LTBP2: variants seen among roughly 807,000 people sequenced by gnomAD.
LTBP2 encodes latent transforming growth factor beta binding protein 2.
In LTBP2, 103 loss-of-function variants were observed where a neutral mutation model predicts 210.6. The observed-to-expected ratio is 0.49, with a 90% CI of 0.42 to 0.58. The LOEUF is 0.58. Among genes scored for constraint, LTBP2 ranks in the 20% least tolerant of loss-of-function variants. The probability of loss-of-function intolerance (pLI) is 0.00; values close to 1 mark genes in which losing one functional copy is unlikely to be tolerated. For synonymous variants in LTBP2, 1,007 were observed against 1,015.0 expected (o/e 0.99, Z 0.15); for missense variants, 2,313 against 2,494.5 (o/e 0.93, Z 1.55).
chr14:74,566,979 T>G (rs1349072747), intron 3 of LTBP2, among the ~76,000 whole-genome samples: 1 of 152,226 alleles, frequency 6.6e-6, no homozygotes, highest in Non-Finnish European at 1.5e-5. Context: ...GGGATGACCC[T>G]GCCAGGCTGT....
At chr14:74,519,030 C>T (rs763941504) in intron 17 of LTBP2, among the ~76,000 whole-genome samples, 2 of 152,156 alleles carry the variant, frequency 1.3e-5, no homozygotes, top group African/African-American at 4.8e-5. Flanking sequence ...TAGAGAAAGA[C>T]CAGGTTCTTA....
intron 18 of LTBP2, among the ~76,000 whole-genome samples, chr14:74,513,589 G>T (rs2087098663): frequency 6.6e-6 from 1 of 152,188 alleles, no homozygotes; most frequent in Non-Finnish European, 1.5e-5. Flanking sequence ...GATCATCTGA[G>T]GTCAGGAGTT....
intron 14 of LTBP2, among the ~76,000 whole-genome samples, 196 bp downstream of exon 14, chr14:74,525,879 G>A (rs957706260): frequency 6.6e-6 from 1 of 152,144 alleles, no homozygotes; most frequent in African/African-American, 2.4e-5. Flanking sequence ...AGCGTCATGG[G>A]GTCTCTCGCT....
chr14:74,579,043 G>C (rs551628181), intron 3 of LTBP2, among the ~76,000 whole-genome samples: 47 of 152,324 alleles, frequency 3.1e-4, no homozygotes, highest in Non-Finnish European at 2.8e-4. Flanking sequence ...TTTTAGTAGA[G>C]ACGGGGTTTC....
At chr14:74,593,825 G>A (rs2088316658) in intron 2 of LTBP2, among the ~76,000 whole-genome samples, 1 of 152,050 alleles carries the variant, frequency 6.6e-6, no homozygotes, top group South Asian at 2.1e-4. Flanking sequence ...GATGGCCTCT[G>A]AGCTTCTTGG....
intron 8 of LTBP2, among the ~76,000 whole-genome samples, chr14:74,536,486 A>T (rs1055438621): frequency 3.9e-5 from 6 of 152,270 alleles, no homozygotes; most frequent in African/African-American, 1.4e-4. Context: ...CACAAAAAAT[A>T]AATATATGAG....
chr14:74,522,765 A>G (rs1416073215), intron 16 of LTBP2, 25 bp downstream of exon 16: 1 of 1,604,118 alleles, frequency 6.2e-7, no homozygotes, highest in Non-Finnish European at 8.5e-7. Flanking sequence ...GCCGCCAAGT[A>G]AGCCCAGGGC....
chr14:74,576,073 C>G (rs951697231), intron 3 of LTBP2, among the ~76,000 whole-genome samples: 1 of 152,220 alleles, frequency 6.6e-6, no homozygotes, highest in African/African-American at 2.4e-5. Context: ...AGCCCACTCT[C>G]CCTGCCCTCA....
chr14:74,600,484 G>C (rs1175144788), intron 2 of LTBP2, among the ~76,000 whole-genome samples: 1 of 152,144 alleles, frequency 6.6e-6, no homozygotes, highest in East Asian at 1.9e-4. Flanking sequence ...TACTGTAACA[G>C]TATGCAAACT....
chr14:74,536,087 G>C, intron 8 of LTBP2, 87 bp from the exon 9 acceptor site: 1 of 1,154,308 alleles, frequency 8.7e-7, no homozygotes, highest in South Asian at 1.3e-5. Flanking sequence ...CAGTCTGGAT[G>C]TCCAGCCCAC....
rs756729691 is a variant in LTBP2, at chr14:74,551,265, C to T, written c.1485G>A (p.Arg495=). ...SVQIHQVAQV[R]GGVEEALVEN... is the part of the protein sequence containing the mutation. ...CCACTAGGGCCTCCTCCACCCCGCC[C>T]CGCACCTGGGCCACCTGGTGGATCT... Residue 495 remains arginine, a synonymous_variant, in exon 7 of 36, where the codon CGG becomes CGA. Transcript: ENST00000261978. The T allele has an allele frequency of 2.5e-5, 41 of 1,610,062 alleles. No individual in the cohort carries two copies. The highest frequency in any genetic ancestry group is 3.3e-5 in the Non-Finnish European group (39 of 1,178,534).
chr14:74,525,244 A>G lies in LTBP2; in HGVS notation c.2429-19T>C. 7.7e-7 allele frequency: 1 copy of G among 1,296,498 alleles called. No homozygotes were observed. The highest frequency in any genetic ancestry group is 1.0e-6 in the Non-Finnish European group (1 of 1,004,474). 80.3% of individuals were successfully genotyped at this position (1,296,498 alleles called of 1,614,324 possible). ...GCATTCCCTGTGGAGGAGAGAGGGGAAGAGGTGGGGTTGTGGCCCCTTGGC... is the reference window on the plus strand; with the variant it reads ...GCATTCCCTGTGGAGGAGAGAGGGGGAGAGGTGGGGTTGTGGCCCCTTGGC... On this transcript the variant is annotated intron_variant, in intron 14 of 35. Coordinates refer to ENST00000261978, the MANE Select transcript of LTBP2 (RefSeq NM_000428.3).
At position 74,502,861 on chromosome 14, in the gene LTBP2, G is replaced by C. The variant is rs1267861233; in HGVS notation, c.4962C>G (p.Gly1654=). 6.2e-7 allele frequency: 1 copy of C among 1,613,976 alleles called. No individual in the cohort carries two copies. ...EREAGVHFRP[G]YEYGPGPDDL... is the part of the protein sequence containing the mutation. The stretch of plus-strand genomic sequence containing the variant: ...CATCGGGCCCGGGGCCATACTCATA[G>C]CCTGGCCGGAAGTGGACCCCGGCCT... The change falls in exon 34 of 36, where the codon GGC becomes GGG. Residue 1654 remains glycine (G), a synonymous_variant. Coordinates refer to ENST00000261978, the MANE Select transcript of LTBP2 (RefSeq NM_000428.3).
intron 3 of LTBP2, among the ~76,000 whole-genome samples, chr14:74,583,538 G>C (rs1191011488): frequency 6.6e-6 from 1 of 152,234 alleles, no homozygotes; most frequent in African/African-American, 2.4e-5. Flanking sequence ...AGTAGCCCCT[G>C]GCCAGGGAGC....
At position 74,500,708 on chromosome 14, in the gene LTBP2, G is replaced by A; in HGVS notation, c.*176C>T. The A allele has an allele frequency of 1.3e-6, 1 of 793,010 alleles. No individual in the cohort carries two copies. The highest frequency in any genetic ancestry group is 2.1e-6 in the Non-Finnish European group (1 of 476,422). The allele number at this position is 793,010 out of a possible 1,614,324, so 49.1% of individuals were successfully genotyped here. A position where few individuals can be genotyped will look rare whatever the true frequency, so the allele number is the denominator to read the frequency against. ...TGCTTGAGCCAAGCAAGGGCATGGA[G>A]GCAATGACCGAAGCTTACAGCCAGA... On this transcript the variant is annotated 3_prime_UTR_variant, in exon 36 of 36. Coordinates refer to ENST00000261978, the MANE Select transcript of LTBP2 (RefSeq NM_000428.3).
chr14:74,541,470 G>A (rs1014779795), intron 8 of LTBP2, among the ~76,000 whole-genome samples: 2 of 152,136 alleles, frequency 1.3e-5, no homozygotes, highest in Admixed American at 1.3e-4. Context: ...CCCATTTTAT[G>A]GATGAGCAAA....
intron 9 of LTBP2, 84 bp from the exon 10 acceptor site, chr14:74,532,632 T>G: frequency 6.7e-7 from 1 of 1,487,622 alleles, no homozygotes; most frequent in South Asian, 1.2e-5. Flanking sequence ...CTTCAAATAC[T>G]CTCTCCAGAT....
chr14:74,526,021 G>C, intron 14 of LTBP2, 54 bp downstream of exon 14: 1 of 1,541,758 alleles, frequency 6.5e-7, no homozygotes, highest in Non-Finnish European at 8.8e-7. Flanking sequence ...CCTGATTAAG[G>C]GCTCTTTCCC....
chr14:74,547,517 T>C (rs1193458211), intron 8 of LTBP2, among the ~76,000 whole-genome samples: 3 of 152,182 alleles, frequency 2.0e-5, no homozygotes, highest in Middle Eastern at 3.2e-3. Flanking sequence ...ACTCACGCTG[T>C]TGGCAGCTGA....
Sources: allele counts gnomAD v4.1 joint callset (sites outside exome capture counted in the v4.1 genomes callset), GRCh38; gene constraint gnomAD v4.1.1; transcripts MANE v1.5; gene names NCBI Gene and HGNC (gene_info 2026-07-23, HGNC 2026-07-21).